HOXD12: variants seen among roughly 807,000 people sequenced by gnomAD.
The protein encoded by HOXD12 is homeobox D12, also known as homeobox protein Hox-D12.
A neutral mutation model predicts 20.2 loss-of-function variants in HOXD12; 21 were observed. The ratio of observed to expected loss-of-function variants is 1.04; its 90% CI spans 0.74 to 1.50. The LOEUF (loss-of-function observed/expected upper bound fraction) is 1.50. Among genes scored for constraint, HOXD12 ranks in the 40% most tolerant of loss-of-function variants. The pLI, the probability that HOXD12 is intolerant of heterozygous loss-of-function variation, is 0.00. For synonymous variants in HOXD12, 196 were observed against 168.8 expected (o/e 1.16, Z -1.25); for missense variants, 472 against 365.5 (o/e 1.29, Z -2.38).
rs1384681021 is a variant in HOXD12 at position 176,101,216 on chromosome 2, G to T, written c.*456G>T. The T allele has an allele frequency of 5.5e-6, 1 of 181,374 alleles. No individual in the cohort carries two copies. The highest frequency in any genetic ancestry group is 1.2e-5 in the Non-Finnish European group (1 of 86,002). The allele number at this position is 181,374 out of a possible 1,614,324, so 11.2% of individuals were successfully genotyped here. On this transcript the variant is annotated 3_prime_UTR_variant, in exon 2 of 2. Coordinates refer to ENST00000406506, the MANE Select transcript of HOXD12 (RefSeq NM_021193.4). Reference sequence around the variant, plus strand: ...TGGAAAGGACTGTGGGTACAATTAGGTCTCTGCAGCAGAAGCCCTTTGTGG... The same window carrying T: ...TGGAAAGGACTGTGGGTACAATTAGTTCTCTGCAGCAGAAGCCCTTTGTGG...
rs1383702990 is a variant in HOXD12, at chr2:176,100,530, T to TG, written c.589dup (p.Ala197GlyfsTer42). The TG allele has an allele frequency of 5.0e-6, 8 of 1,603,544 alleles. No homozygotes were observed. The highest frequency in any genetic ancestry group is 5.1e-6 in the Non-Finnish European group (6 of 1,175,016). ...TTGGGGCTGTGTTGCAGGCCTGCCG[T>TG]GGGGGGCGGCCCCGGGGAGGGCCCG... On this transcript the variant is annotated frameshift_variant, in exon 2 of 2. Coordinates refer to ENST00000406506, the MANE Select transcript of HOXD12 (RefSeq NM_021193.4). LOFTEE classifies it high-confidence loss of function.
rs766861465 is a variant in HOXD12, at chr2:176,099,943, G to C, written c.142G>C (p.Ala48Pro). ...ALPPISYPRG[A>P]LPWAATPASC... is the part of the protein sequence containing the mutation. ...TCCCCCTATCTCCTACCCGCGCGGC[G>C]CGCTGCCCTGGGCCGCCACGCCCGC... The change falls in exon 1 of 2, where the codon GCG becomes CCG. Residue 48 changes from alanine (A) to proline (P), a missense_variant. By Grantham distance (27) the Ala-to-Pro change is conservative. Coordinates refer to ENST00000406506, the MANE Select transcript of HOXD12 (RefSeq NM_021193.4). 6.3e-7 allele frequency: 1 copy of C among 1,595,204 alleles called. No homozygotes were observed. Among genetic ancestry groups the C allele is most frequent in the Non-Finnish European group, 8.5e-7 (1 of 1,173,440 alleles).
rs1395222154 is a variant in HOXD12 at position 176,100,555 on chromosome 2, G to T, written c.608G>T (p.Arg203Leu). ...TGGGGGGCGGCCCCGGGGAGGGCCCGCAAGAAGCGGAAACCCTACACGAAG... is the reference window on the plus strand; with the variant it reads ...TGGGGGGCGGCCCCGGGGAGGGCCCTCAAGAAGCGGAAACCCTACACGAAG... ...LPWGAAPGRA[R>L]KKRKPYTKQQ... Residue 203 changes from arginine (R) to leucine (L), a missense_variant, in exon 2 of 2, where the codon CGC becomes CTC. By Grantham distance (102) the Arg-to-Leu change is moderately radical (BLOSUM62 -2). Coordinates refer to ENST00000406506, the MANE Select transcript of HOXD12 (RefSeq NM_021193.4). 1.2e-6 allele frequency: 2 copies of T among 1,609,874 alleles called. No individual in the cohort carries two copies. The highest frequency in any genetic ancestry group is 1.1e-5 in the South Asian group (1 of 90,442).
At chr2:176,100,462 T>C (rs775082425) in intron 1 of HOXD12, 60 bp from the exon 2 acceptor site, 6 of 1,588,386 alleles carry the variant, frequency 3.8e-6, no homozygotes, top group Non-Finnish European at 4.3e-6. Flanking sequence ...GTGAACCGCC[T>C]GGGGGCGGGC....
Position 176,100,522 on chromosome 2 carries a change from G to T in HOXD12, c.575G>T (p.Gly192Val). The change falls in exon 2 of 2, where the codon GGC becomes GTC. Residue 192 changes from glycine to valine, a missense_variant and splice_region_variant. Physicochemically the swap from Gly to Val is moderately radical, Grantham distance 109 (BLOSUM62 -3). Transcript: ENST00000406506. ...GACGTGGGTTGGGGCTGTGTTGCAGGCCTGCCGTGGGGGGCGGCCCCGGGG... is the reference window on the plus strand; with the variant it reads ...GACGTGGGTTGGGGCTGTGTTGCAGTCCTGCCGTGGGGGGCGGCCCCGGGG... The part of the protein sequence containing the change: ...ASCLRPSLPD[G>V]LPWGAAPGRA... The T allele has an allele frequency of 6.3e-7, 1 of 1,599,912 alleles. No homozygotes were observed. The highest frequency in any genetic ancestry group is 2.3e-5 in the East Asian group (1 of 44,306).
rs757708605 is a variant in HOXD12 at position 176,099,806 on chromosome 2, G to A, written c.5G>A (p.Cys2Tyr). The A allele has an allele frequency of 6.8e-7, 1 of 1,479,128 alleles. No homozygotes were observed. 91.6% of individuals were successfully genotyped at this position (1,479,128 alleles called of 1,614,324 possible). ...AGCCGAAGCCCTTTGTTGGAGATGTGTGAGCGCAGTCTCTACAGAGCGGGC... is the reference window on the plus strand; with the variant it reads ...AGCCGAAGCCCTTTGTTGGAGATGTATGAGCGCAGTCTCTACAGAGCGGGC... Reference protein sequence around the residue: MCERSLYRAGYV... With the variant: MYERSLYRAGYV... The change falls in exon 1 of 2, where the codon TGT becomes TAT. Residue 2 changes from cysteine (C) to tyrosine (Y), a missense_variant. Physicochemically the swap from Cys to Tyr is radical, Grantham distance 194. Coordinates refer to ENST00000406506, the MANE Select transcript of HOXD12 (RefSeq NM_021193.4).
At chr2:176,100,439 A>G (rs778129508) in intron 1 of HOXD12, 64 bp downstream of exon 1, 1 of 1,597,066 alleles carries the variant, frequency 6.3e-7, no homozygotes, top group Non-Finnish European at 8.6e-7. Context: ...TTCAAGGGAG[A>G]GTGTAAGGGG....
In HOXD12 at chr2:176,100,262, A is replaced by AG; in HGVS notation, c.466dup (p.Ala156GlyfsTer83). On this transcript the variant is annotated frameshift_variant, in exon 1 of 2. Coordinates refer to ENST00000406506, the MANE Select transcript of HOXD12 (RefSeq NM_021193.4). LOFTEE classifies it high-confidence loss of function. ...ACGCCGGGCTCCACGACCCTGCTCC[A>AG]GGGGGCTCCCTGCGCCCCTGGCTTC... The AG allele has an allele frequency of 6.2e-7, 1 of 1,612,474 alleles. No individual in the cohort carries two copies. The highest frequency in any genetic ancestry group is 8.5e-7 in the Non-Finnish European group (1 of 1,179,814).
chr2:176,099,873 C>A lies in HOXD12; in HGVS notation c.72C>A (p.Phe24Leu). The A allele has an allele frequency of 6.3e-7, 1 of 1,588,384 alleles. No individual in the cohort carries two copies. The highest frequency in any genetic ancestry group is 2.4e-5 in the East Asian group (1 of 42,522). The change falls in exon 1 of 2, where the codon TTC (phenylalanine) becomes TTA (leucine). Residue 24 changes from phenylalanine to leucine, a missense_variant. Coordinates refer to ENST00000406506, the MANE Select transcript of HOXD12 (RefSeq NM_021193.4). The part of the protein sequence containing the change: ...SLLNLQSPDS[F>L]YFSNLRPNGG... ...TGAATCTGCAGTCGCCAGACTCTTT[C>A]TACTTCTCCAACCTGAGGCCGAATG...
chr2:176,099,984 G>T lies in HOXD12; in HGVS notation c.183G>T (p.Ala61=), dbSNP rs200539698. 252 of 1,572,750 alleles carry T rather than the reference G, an allele frequency of 1.6e-4. No individual in the cohort carries two copies. Among genetic ancestry groups the T allele is most frequent in the Non-Finnish European group, 2.1e-4 (238 of 1,159,030 alleles). ...CCACGCCCGCCTCCTGCGCCCCCGCGCAGCCTGCGGGCGCCACTGCCTTCG... is the reference window on the plus strand; with the variant it reads ...CCACGCCCGCCTCCTGCGCCCCCGCTCAGCCTGCGGGCGCCACTGCCTTCG... ...WAATPASCAP[A]QPAGATAFGG... The change falls in exon 1 of 2, where the codon GCG becomes GCT. Residue 61 remains alanine (A), a synonymous_variant. Coordinates refer to ENST00000406506, the MANE Select transcript of HOXD12 (RefSeq NM_021193.4).
chr2:176,101,405 G>A lies in HOXD12; in HGVS notation c.*645G>A, dbSNP rs947793630. 7.2e-5 allele frequency among the ~76,000 whole-genome samples: 11 copies of A among 151,742 alleles called. No homozygotes were observed. Among genetic ancestry groups the A allele is most frequent in the African/African-American group, 2.4e-4 (10 of 41,274 alleles). On this transcript the variant is annotated 3_prime_UTR_variant, in exon 2 of 2. Coordinates refer to ENST00000406506, the MANE Select transcript of HOXD12 (RefSeq NM_021193.4). ...GGCTGGGTAGTGGGGTAAACTTGGA[G>A]ATATCTCGAAATGAGAAATGCGAAA...
rs927742397 is a variant in HOXD12, at chr2:176,102,062, T to C, written c.*1302T>C. 2.4e-4 allele frequency among the ~76,000 whole-genome samples: 37 copies of C among 152,224 alleles called. No individual in the cohort carries two copies. Among genetic ancestry groups the C allele is most frequent in the African/African-American group, 8.2e-4 (34 of 41,464 alleles). On this transcript the variant is annotated 3_prime_UTR_variant, in exon 2 of 2. Coordinates refer to ENST00000406506, the MANE Select transcript of HOXD12 (RefSeq NM_021193.4). ...CCTCATGGAGGCAGGGGTTCCCAAATGCCAGGTGGAGTTGTTCTGGGTGTA... is the reference window on the plus strand; with the variant it reads ...CCTCATGGAGGCAGGGGTTCCCAAACGCCAGGTGGAGTTGTTCTGGGTGTA...
chr2:176,101,767 G>A lies in HOXD12; in HGVS notation c.*1007G>A, dbSNP rs1185119269. ...GGCTTTCCAGTTGAGGTGAGTAAAG[G>A]TGTTGGTGCATCTTTCTTTCTTCAA... On this transcript the variant is annotated 3_prime_UTR_variant, in exon 2 of 2. Coordinates refer to ENST00000406506, the MANE Select transcript of HOXD12 (RefSeq NM_021193.4). 1.3e-5 allele frequency among the ~76,000 whole-genome samples: 2 copies of A among 152,154 alleles called. No homozygotes were observed. The highest frequency in any genetic ancestry group is 3.9e-4 in the East Asian group (2 of 5,182).
Position 176,100,893 on chromosome 2 carries a change from A to T in HOXD12, c.*133A>T. 1.5e-6 allele frequency: 1 copy of T among 660,230 alleles called. No homozygotes were observed. Among genetic ancestry groups the T allele is most frequent in the Non-Finnish European group, 2.6e-6 (1 of 378,488 alleles). 40.9% of individuals were successfully genotyped at this position (660,230 alleles called of 1,614,324 possible). On this transcript the variant is annotated 3_prime_UTR_variant, in exon 2 of 2. Coordinates refer to ENST00000406506, the MANE Select transcript of HOXD12 (RefSeq NM_021193.4). ...TGCTGGCCCCAGAAGCCACCAAGAG[A>T]TTTACAGACCAGGCCAGTTGGGCCT...
chr2:176,100,857 G>T lies in HOXD12; in HGVS notation c.*97G>T. 1 of 827,654 alleles carries T rather than the reference G, an allele frequency of 1.2e-6. No homozygotes were observed. The highest frequency in any genetic ancestry group is 1.6e-5 in the South Asian group (1 of 60,666). The allele number at this position is 827,654 out of a possible 1,614,324, so 51.3% of individuals were successfully genotyped here. On this transcript the variant is annotated 3_prime_UTR_variant, in exon 2 of 2. Transcript: ENST00000406506. ...GGGCTAAGGCTAAGGCTTTTCCTTCGGTTCCTTCTCTGCTGGCCCCAGAAG... is the reference window on the plus strand; with the variant it reads ...GGGCTAAGGCTAAGGCTTTTCCTTCTGTTCCTTCTCTGCTGGCCCCAGAAG...
Position 176,101,384 on chromosome 2 carries a change from G to A in HOXD12, c.*624G>A, listed in dbSNP as rs560828385. ...GAAAAGGGAGGGAAGGGGAGGGGCTGGGTAGTGGGGTAAACTTGGAGATAT... is the reference window on the plus strand; with the variant it reads ...GAAAAGGGAGGGAAGGGGAGGGGCTAGGTAGTGGGGTAAACTTGGAGATAT... On this transcript the variant is annotated 3_prime_UTR_variant, in exon 2 of 2. Transcript: ENST00000406506. Among the ~76,000 whole-genome samples, 1 of 152,188 alleles carries A rather than the reference G, an allele frequency of 6.6e-6. No homozygotes were observed. Among genetic ancestry groups the A allele is most frequent in the South Asian group, 2.1e-4 (1 of 4,820 alleles).
rs1174323547 is a variant in HOXD12, at chr2:176,100,291, G to A, written c.490G>A (p.Asp164Asn). 1 of 1,612,644 alleles carries A rather than the reference G, an allele frequency of 6.2e-7. No individual in the cohort carries two copies. Among genetic ancestry groups the A allele is most frequent in the Non-Finnish European group, 8.5e-7 (1 of 1,179,856 alleles). ...QGAPCAPGFK[D>N]DTKGPLNLNM... is the part of the protein sequence containing the mutation. ...GGCTCCCTGCGCCCCTGGCTTCAAGGACGACACCAAGGGCCCGCTCAACTT... is the reference window on the plus strand; with the variant it reads ...GGCTCCCTGCGCCCCTGGCTTCAAGAACGACACCAAGGGCCCGCTCAACTT... Residue 164 changes from aspartate (D) to asparagine (N), a missense_variant, in exon 1 of 2, where the codon GAC becomes AAC. By Grantham distance (23) the Asp-to-Asn change is conservative (BLOSUM62 1). Coordinates refer to ENST00000406506, the MANE Select transcript of HOXD12 (RefSeq NM_021193.4).
At position 176,100,837 on chromosome 2, in the gene HOXD12, A is replaced by G. The variant is rs1347109387; in HGVS notation, c.*77A>G. 5.2e-6 allele frequency: 5 copies of G among 954,548 alleles called. No homozygotes were observed. Among genetic ancestry groups the G allele is most frequent in the Non-Finnish European group, 8.1e-6 (5 of 614,888 alleles). 59.1% of individuals were successfully genotyped at this position (954,548 alleles called of 1,614,324 possible). On this transcript the variant is annotated 3_prime_UTR_variant, in exon 2 of 2. Coordinates refer to ENST00000406506, the MANE Select transcript of HOXD12 (RefSeq NM_021193.4). ...TGTTTGGGGAGGGGGATCTGGGGCT[A>G]AGGCTAAGGCTTTTCCTTCGGTTCC...
At position 176,099,805 on chromosome 2, in the gene HOXD12, T is replaced by G; in HGVS notation, c.4T>G (p.Cys2Gly). The change falls in exon 1 of 2, where the codon TGT (cysteine) becomes GGT (glycine). Residue 2 changes from cysteine to glycine, a missense_variant. By Grantham distance (159) the Cys-to-Gly change is radical. Coordinates refer to ENST00000406506, the MANE Select transcript of HOXD12 (RefSeq NM_021193.4). The part of the protein sequence containing the change: M[C>G]ERSLYRAGYV... ...CAGCCGAAGCCCTTTGTTGGAGATGTGTGAGCGCAGTCTCTACAGAGCGGG... is the reference window on the plus strand; with the variant it reads ...CAGCCGAAGCCCTTTGTTGGAGATGGGTGAGCGCAGTCTCTACAGAGCGGG... 6.8e-7 allele frequency: 1 copy of G among 1,468,712 alleles called. No homozygotes were observed. Among genetic ancestry groups the G allele is most frequent in the Non-Finnish European group, 9.0e-7 (1 of 1,110,880 alleles). The allele number at this position is 1,468,712 out of a possible 1,614,324, so 91.0% of individuals were successfully genotyped here.
Sources: gnomAD v4.1 joint callset for allele counts (sites outside exome capture counted in the v4.1 genomes callset) on GRCh38, gnomAD v4.1.1 for gene constraint, MANE v1.5 for transcripts, NCBI Gene and HGNC (gene_info 2026-07-23, HGNC 2026-07-21) for gene names.